Variants in USP9Y observed in about 807,000 individuals in gnomAD.
USP9Y encodes ubiquitin carboxyl-terminal hydrolase 9Y.
A neutral mutation model predicts 53.1 loss-of-function variants in USP9Y; 41 were observed. The ratio of observed to expected loss-of-function variants is 0.77; its 90% confidence interval spans 0.60 to 1.00. The LOEUF (loss-of-function observed/expected upper bound fraction) is 1.00, where lower values mean the gene tolerates loss of function less well. Among genes scored for constraint, USP9Y ranks in the 50% least tolerant of loss-of-function variants. USP9Y has a pLI of 0.00. For missense variants in USP9Y, 567 were observed against 535.8 expected, an observed-to-expected ratio of 1.06 and a Z score of -0.58; for synonymous variants, 220 against 173.7, an observed-to-expected ratio of 1.27 and a Z score of -2.09.
intron 30 of USP9Y, among the ~76,000 whole-genome samples, chrY:12,812,003 A>G (rs2053531470): frequency 3.1e-5 from 1 of 32,425 alleles, no homozygotes; most frequent in Non-Finnish European, 7.5e-5. Context: ...TATTTTTGGT[A>G]GAGACCTGGT....
intron 15 of USP9Y, among the ~76,000 whole-genome samples, chrY:12,763,606 G>A: frequency 3.4e-5 from 1 of 29,194 alleles, no homozygotes; most frequent in Non-Finnish European, 8.0e-5. Context: ...CAATGTCAGT[G>A]CTAAATGCAG....
At chrY:12,702,244 A>G (rs990164297) in intron 1 of USP9Y, among the ~76,000 whole-genome samples, 189 bp downstream of exon 1, 2 of 34,073 alleles carry the variant, frequency 5.9e-5, no homozygotes, top group South Asian at 6.5e-4. Flanking sequence ...GGGGCAGGAT[A>G]TTTGTCTTTT....
intron 14 of USP9Y, among the ~76,000 whole-genome samples, chrY:12,759,122 A>T: frequency 3.0e-5 from 1 of 33,585 alleles, no homozygotes; most frequent in Non-Finnish European, 7.4e-5. Context: ...TAAAAATTAG[A>T]CTACAAAGTG....
intron 34 of USP9Y, among the ~76,000 whole-genome samples, chrY:12,835,619 C>G (rs2148291486): frequency 3.0e-5 from 1 of 32,931 alleles, no homozygotes; most frequent in South Asian, 6.8e-4. Flanking sequence ...TCAAGACCAG[C>G]TTGACCAGTA....
At chrY:12,856,566 G>C in intron 43 of USP9Y, 67 bp from the exon 44 acceptor site, 3 of 387,285 alleles carry the variant, frequency 7.7e-6, no homozygotes, top group Non-Finnish European at 1.1e-5. Context: ...TGAAATTTTT[G>C]TATTAGCATT....
chrY:12,832,798 A>G, intron 33 of USP9Y, among the ~76,000 whole-genome samples: 1 of 33,052 alleles, frequency 3.0e-5, no homozygotes, highest in Admixed American at 2.8e-4. Context: ...AAGTGCTACT[A>G]TTAGGAAATT....
chrY:12,720,952 T>C (rs757412514), intron 4 of USP9Y: 1 of 132,086 alleles, frequency 7.6e-6, no homozygotes, highest in East Asian at 1.4e-4. Flanking sequence ...ATTTTAAATA[T>C]TGGAAGGTAA....
chrY:12,758,514 T>C lies in USP9Y; in HGVS notation c.1638T>C (p.Asp546=). 2.6e-6 allele frequency: 1 copy of C among 387,079 alleles called. No individual in the cohort carries two copies. Among genetic ancestry groups the C allele is most frequent in the Non-Finnish European group, 3.6e-6 (1 of 276,313 alleles). Residue 546 remains aspartate, a synonymous_variant, in exon 14 of 46, where the codon GAT becomes GAC. Coordinates refer to ENST00000338981, the MANE Select transcript of USP9Y (RefSeq NM_004654.4). ...TTTTTTTCATGTATAAGGATCGAGA[T>C]GCACAGAAGATCCAGTGGATAGATC... is the stretch of plus-strand genomic sequence containing the variant. The part of the protein sequence containing the change: ...ILDYSCSQDR[D]AQKIQWIDHF...
At position 12,800,454 on chromosome Y, in the gene USP9Y, T is replaced by C. The variant is rs758752815; in HGVS notation, c.3983+7253T>C. Among the ~76,000 whole-genome samples the C allele has an allele frequency of 1.4e-3, 48 of 33,789 alleles. No individual in the cohort carries two copies. In the South Asian group the frequency reaches 0.032, roughly 22 times the overall value. The allele number at this position is 33,789 out of a possible 37,273, so 90.7% of individuals were successfully genotyped here. A position where few individuals can be genotyped will look rare whatever the true frequency, so the allele number is the denominator to read the frequency against. On this transcript the variant is annotated intron_variant, in intron 27 of 45. Coordinates refer to ENST00000338981, the MANE Select transcript of USP9Y (RefSeq NM_004654.4). Reference sequence around the variant, plus strand: ...GAAGAGTGAGTGGCTGAAGGTCAAGTTGACCGCCGGTGACCAGAATATTAT... The same window carrying C: ...GAAGAGTGAGTGGCTGAAGGTCAAGCTGACCGCCGGTGACCAGAATATTAT...
intron 27 of USP9Y, among the ~76,000 whole-genome samples, chrY:12,797,234 G>T: frequency 3.0e-5 from 1 of 33,405 alleles, no homozygotes. Flanking sequence ...AGCCAAATAT[G>T]AGTGCCCATG....
chrY:12,836,372 A>C (rs2053555317), intron 34 of USP9Y, among the ~76,000 whole-genome samples: 1 of 33,361 alleles, frequency 3.0e-5, no homozygotes, highest in South Asian at 6.7e-4. Context: ...GAACATAAAG[A>C]ACTTAAGAGG....
chrY:12,770,349 GC>G (rs2053484669), intron 15 of USP9Y, among the ~76,000 whole-genome samples: 2 of 32,241 alleles, frequency 6.2e-5, no homozygotes, highest in Non-Finnish European at 1.5e-4. Flanking sequence ...GACAAAGGTT[GC>G]AGTGAGTCAA....
intron 16 of USP9Y, 145 bp downstream of exon 16, chrY:12,771,300 T>G: frequency 6.6e-6 from 1 of 152,224 alleles, no homozygotes; most frequent in Admixed American, 1.1e-4. Context: ...CTAGGCTCAC[T>G]GAAGCCTCAA....
At position 12,785,704 on chromosome Y, in the gene USP9Y, G is replaced by A. The variant is rs770352753; in HGVS notation, c.3152-499G>A. The stretch of plus-strand genomic sequence containing the variant: ...GGTTATCCATTCTACTGATGTTGAA[G>A]TGGGATGTTAATATGGTTTTGTTTG... On this transcript the variant is annotated intron_variant, in intron 22 of 45. Transcript: ENST00000338981. Among the ~76,000 whole-genome samples, 7 of 33,505 alleles carry A rather than the reference G, an allele frequency of 2.1e-4. No individual in the cohort carries two copies. The South Asian group carries it at 4.6e-3, about 22-fold the overall frequency. 89.9% of individuals were successfully genotyped at this position (33,505 alleles called of 37,273 possible). A position where few individuals can be genotyped will look rare whatever the true frequency, so the allele number is the denominator to read the frequency against.
At chrY:12,841,267 C>T in intron 37 of USP9Y, 134 bp downstream of exon 37, 1 of 168,921 alleles carries the variant, frequency 5.9e-6, no homozygotes, top group Non-Finnish European at 9.5e-6. Context: ...TGGCAGTAGT[C>T]ATGAGATAAA....
At chrY:12,849,311 C>T (rs911675311) in intron 42 of USP9Y, among the ~76,000 whole-genome samples, 1 of 33,625 alleles carries the variant, frequency 3.0e-5, no homozygotes, top group Non-Finnish European at 7.4e-5. Flanking sequence ...TATGCTGAGA[C>T]GTTGCTGAAG....
At position 12,761,370 on chromosome Y, in the gene USP9Y, T is replaced by G. The variant is rs762624386; in HGVS notation, c.1900+753T>G. Reference sequence around the variant, plus strand: ...GAGCTTATTAGAAATTCATTGGATTTGTTATCACTAGATGTGTCGTTGGTT... The same window carrying G: ...GAGCTTATTAGAAATTCATTGGATTGGTTATCACTAGATGTGTCGTTGGTT... On this transcript the variant is annotated intron_variant, in intron 15 of 45. Coordinates refer to ENST00000338981, the MANE Select transcript of USP9Y (RefSeq NM_004654.4). Among the ~76,000 whole-genome samples, 3 of 34,491 alleles carry G rather than the reference T, an allele frequency of 8.7e-5. No homozygotes were observed. In the East Asian group the frequency reaches 2.2e-3, roughly 26 times the overall value. 92.5% of individuals were successfully genotyped at this position (34,491 alleles called of 37,273 possible).
At chrY:12,843,003 A>G (rs1603203667) in intron 38 of USP9Y, 61 bp from the exon 39 acceptor site, 2 of 369,113 alleles carry the variant, frequency 5.4e-6, no homozygotes, top group East Asian at 9.7e-5. Context: ...AACCTTTTGT[A>G]TGCAAATAAA....
At chrY:12,858,250 T>C in intron 45 of USP9Y, among the ~76,000 whole-genome samples, 1 of 33,283 alleles carries the variant, frequency 3.0e-5, no homozygotes, top group Non-Finnish European at 7.4e-5. Flanking sequence ...ATCATAATCA[T>C]GTAAATGCAC....
Sources: allele counts gnomAD v4.1 joint callset (sites outside exome capture counted in the v4.1 genomes callset), GRCh38; gene constraint gnomAD v4.1.1; transcripts MANE v1.5; gene names NCBI Gene and HGNC (gene_info 2026-07-23, HGNC 2026-07-21).